Variants in PLSCR2 observed in about 807,000 individuals in gnomAD.
The protein encoded by PLSCR2 is phospholipid scramblase 2, also known as PL scramblase 2.
In PLSCR2, 18 loss-of-function variants were observed where a neutral mutation model predicts 25.3. That is an observed-to-expected ratio of 0.71 (90% CI 0.49 to 1.06). PLSCR2 has a LOEUF of 1.06. PLSCR2 is among the 50% of genes least tolerant of loss of function. The probability of loss-of-function intolerance (pLI) is 0.00; values close to 1 mark genes in which losing one functional copy is unlikely to be tolerated. For missense variants in PLSCR2, 243 were observed against 269.5 expected (o/e 0.90, Z 0.69); for synonymous variants, 88 against 87.3 (o/e 1.01, Z -0.04).
chr3:146,477,297 A>T (rs2042323617), intron 1 of PLSCR2, among the ~76,000 whole-genome samples: 1 of 152,174 alleles, frequency 6.6e-6, no homozygotes, highest in Admixed American at 6.5e-5. Context: ...CTCACCTGGG[A>T]AGTGCAAAGG....
rs141786505 is a variant in PLSCR2 at position 146,451,240 on chromosome 3, G to A, written c.484-1873C>T. On this transcript the variant is annotated intron_variant, in intron 5 of 6. Transcript: ENST00000610787. ...AGGGATTCTCTTGCCTTAGCTTCCC[G>A]AGTAGCTGGGATTACAGGCGCCTGC... is the stretch of plus-strand genomic sequence containing the variant. 4.4e-3 allele frequency among the ~76,000 whole-genome samples: 652 copies of A among 149,808 alleles called. 2 individuals are homozygous for A. The highest frequency in any genetic ancestry group is 0.015 in the African/African-American group (622 of 40,768).
At chr3:146,484,161 A>G (rs1017305989) in intron 1 of PLSCR2, among the ~76,000 whole-genome samples, 2 of 151,306 alleles carry the variant, frequency 1.3e-5, no homozygotes, top group African/African-American at 4.9e-5. Context: ...TAAAATAGCC[A>G]AATCGATGAA....
At chr3:146,449,688 T>A (rs1047667953) in intron 5 of PLSCR2, among the ~76,000 whole-genome samples, 8 of 152,192 alleles carry the variant, frequency 5.3e-5, no homozygotes, top group Non-Finnish European at 4.4e-5. Context: ...GAAAAGGATA[T>A]AAATTTGAAG....
At chr3:146,418,623 C>A (rs549358879) in intron 2 of PLSCR2, among the ~76,000 whole-genome samples, 1 of 152,222 alleles carries the variant, frequency 6.6e-6, no homozygotes, top group Admixed American at 6.5e-5. Flanking sequence ...TGAAATAATC[C>A]TCTGTGGCTG....
At chr3:146,474,567 T>C (rs540994434) in intron 1 of PLSCR2, among the ~76,000 whole-genome samples, 1 of 152,254 alleles carries the variant, frequency 6.6e-6, no homozygotes, top group Admixed American at 6.5e-5. Flanking sequence ...CCCTTAGTAG[T>C]TTTTCCTTCG....
upstream of PLSCR2, among the ~76,000 whole-genome samples, chr3:146,462,420 G>A (rs143097958): frequency 3.2e-3 from 480 of 151,618 alleles, 4 homozygotes; most frequent in African/African-American, 0.011. Context: ...TTGTTGGTCA[G>A]CCCACGACGA....
chr3:146,439,412 C>T (rs1026386879), downstream of PLSCR2, among the ~76,000 whole-genome samples: 9 of 152,158 alleles, frequency 5.9e-5, no homozygotes, highest in African/African-American at 2.2e-4. Context: ...TCAGGTACAC[C>T]AATCAGACGT....
At chr3:146,428,906 G>T (rs2039448394), downstream of PLSCR2, among the ~76,000 whole-genome samples, 1 of 152,156 alleles carries the variant, frequency 6.6e-6, no homozygotes, top group African/African-American at 2.4e-5. Context: ...CATTGGCTTT[G>T]AGCCACCTCC....
chr3:146,493,569 T>C (rs1576760232), intron 1 of PLSCR2, among the ~76,000 whole-genome samples: 1 of 152,176 alleles, frequency 6.6e-6, no homozygotes, highest in Admixed American at 6.5e-5. Flanking sequence ...AGGCTTTTGA[T>C]AAAAATTCAA....
At chr3:146,407,664 A>G (rs141722448) in intron 2 of PLSCR2, among the ~76,000 whole-genome samples, 2 of 152,190 alleles carry the variant, frequency 1.3e-5, no homozygotes, top group Non-Finnish European at 1.5e-5. Flanking sequence ...GTACATGCAC[A>G]GTAGCAAAGC....
At chr3:146,437,642 A>C (rs568326837), downstream of PLSCR2, among the ~76,000 whole-genome samples, 2 of 151,666 alleles carry the variant, frequency 1.3e-5, no homozygotes, top group South Asian at 4.2e-4. Context: ...TTTTTATTGC[A>C]TCTATTTGAT....
chr3:146,479,505 A>G (rs1166554811), intron 1 of PLSCR2, among the ~76,000 whole-genome samples: 3 of 152,236 alleles, frequency 2.0e-5, no homozygotes, highest in Admixed American at 2.0e-4. Flanking sequence ...AGGCCATTAC[A>G]TAATGGTAAA....
chr3:146,432,101 A>C (rs990286340), downstream of PLSCR2, among the ~76,000 whole-genome samples: 1 of 152,214 alleles, frequency 6.6e-6, no homozygotes, highest in African/African-American at 2.4e-5. Context: ...AAATAAATTG[A>C]AACTGTGTAT....
At chr3:146,393,295 T>C (rs1341807608) in intron 3 of PLSCR2, among the ~76,000 whole-genome samples, 2 of 151,560 alleles carry the variant, frequency 1.3e-5, no homozygotes, top group African/African-American at 4.8e-5. Flanking sequence ...CCCAAAGTGC[T>C]GGGATTACAG....
At chr3:146,441,259 G>A (rs1280106339), downstream of PLSCR2, among the ~76,000 whole-genome samples, 1 of 152,016 alleles carries the variant, frequency 6.6e-6, no homozygotes, top group Non-Finnish European at 1.5e-5. Context: ...ACTTTTGCTT[G>A]AGAATATGCA....
intron 1 of PLSCR2, chr3:146,494,885 G>A (rs1039853584): frequency 1.3e-5 from 2 of 152,164 alleles, no homozygotes; most frequent in African/African-American, 2.4e-5. Context: ...CTCTAGAAGT[G>A]TTTCCTAGTG....
At chr3:146,403,278 C>T (rs78836781) in intron 2 of PLSCR2, among the ~76,000 whole-genome samples, 1,562 of 152,064 alleles carry the variant, frequency 0.01, 20 homozygotes, top group African/African-American at 0.025. Context: ...AACTAACTCA[C>T]GGTGTTAAAT....
chr3:146,437,259 A>G (rs544932596), downstream of PLSCR2, among the ~76,000 whole-genome samples: 50 of 152,262 alleles, frequency 3.3e-4, no homozygotes, highest in African/African-American at 1.2e-3. Flanking sequence ...TGTCTCTGCC[A>G]GGCTTTGGTA....
At chr3:146,411,795 C>G (rs181256584) in intron 2 of PLSCR2, among the ~76,000 whole-genome samples, 11 of 152,224 alleles carry the variant, frequency 7.2e-5, no homozygotes, top group African/African-American at 1.7e-4. Flanking sequence ...AAATAAAGTA[C>G]GCAAAAAGTT....
Sources: allele counts gnomAD v4.1 joint callset (sites outside exome capture counted in the v4.1 genomes callset), GRCh38; gene constraint gnomAD v4.1.1; transcripts MANE v1.5; gene names NCBI Gene and HGNC (gene_info 2026-07-23, HGNC 2026-07-21).